SLC26A4: variants seen among roughly 807,000 people sequenced by gnomAD.
SLC26A4 encodes the protein pendrin.
SLC26A4 carries 93 observed loss-of-function variants against 90.4 expected under a neutral mutation model. The ratio of observed to expected loss-of-function variants is 1.03; its 90% CI spans 0.87 to 1.22. The LOEUF is 1.22. Ranked by LOEUF, SLC26A4 falls within the 50% of genes most tolerant of loss-of-function variation. The probability of loss-of-function intolerance (pLI) is 0.00; values close to 1 mark genes in which losing one functional copy is unlikely to be tolerated. For synonymous variants in SLC26A4, 393 were observed against 354.6 expected (o/e 1.11, Z -1.22); for missense variants, 1,127 against 946.2 (o/e 1.19, Z -2.51).
intron 10 of SLC26A4, chr7:107,691,898 G>T (rs992720070): frequency 7.8e-7 from 1 of 1,278,990 alleles, no homozygotes; most frequent in African/African-American, 1.5e-5. Flanking sequence ...CCAAAGCTGT[G>T]CACATTTCAG....
At position 107,702,207 on chromosome 7, in the gene SLC26A4, T is replaced by C. The variant is rs1791914334; in HGVS notation, c.2034+150T>C. On this transcript the variant is annotated intron_variant, in intron 17 of 20. Coordinates refer to ENST00000644269, the MANE Select transcript of SLC26A4 (RefSeq NM_000441.2). The stretch of plus-strand genomic sequence containing the variant: ...TAAAAAAGTGTAATATTTTAAAGCA[T>C]AGGCTCTGGAGCCAGACTACCTGGG... 4 of 699,822 alleles carry C rather than the reference T, an allele frequency of 5.7e-6. No homozygotes were observed. In the South Asian group the frequency reaches 6.3e-5, roughly 11 times the overall value. The allele number at this position is 699,822 out of a possible 1,614,324, so 43.4% of individuals were successfully genotyped here.
intron 10 of SLC26A4, among the ~76,000 whole-genome samples, chr7:107,691,224 G>A (rs1016439021): frequency 1.1e-4 from 17 of 150,832 alleles, no homozygotes; most frequent in Admixed American, 6.0e-4. Context: ...AATATAAGTC[G>A]GGCACAGTGG....
chr7:107,667,400 A>G (rs999112799), intron 3 of SLC26A4, among the ~76,000 whole-genome samples: 13 of 147,382 alleles, frequency 8.8e-5, no homozygotes, highest in African/African-American at 3.3e-4. Flanking sequence ...AGCCTGGCGC[A>G]GGAAGTTGAA....
At chr7:107,663,491 C>T in intron 3 of SLC26A4, 56 bp downstream of exon 3, 1 of 1,592,890 alleles carries the variant, frequency 6.3e-7, no homozygotes, top group Non-Finnish European at 8.6e-7. Flanking sequence ...AACACTTCTC[C>T]CCAGCTACCA....
At chr7:107,714,689 G>C (rs535531715) in intron 20 of SLC26A4, among the ~76,000 whole-genome samples, 1 of 152,248 alleles carries the variant, frequency 6.6e-6, no homozygotes, top group East Asian at 1.9e-4. Context: ...ATAGTTTCAA[G>C]GGCATGGACT....
At chr7:107,698,177 T>C (rs1418584436) in intron 14 of SLC26A4, 66 bp downstream of exon 14, 3 of 1,012,130 alleles carry the variant, frequency 3.0e-6, no homozygotes, top group Non-Finnish European at 4.8e-6. Context: ...GCAGCTCCAT[T>C]TTACGTACAA....
chr7:107,710,845 C>A (rs1208010249), intron 19 of SLC26A4, among the ~76,000 whole-genome samples: 1 of 152,114 alleles, frequency 6.6e-6, no homozygotes, highest in Admixed American at 6.6e-5. Context: ...CCTAATGGTG[C>A]TCCTGGTGGT....
intron 8 of SLC26A4, among the ~76,000 whole-genome samples, chr7:107,686,951 C>G (rs899887472): frequency 1.3e-5 from 2 of 152,170 alleles, no homozygotes; most frequent in African/African-American, 4.8e-5. Flanking sequence ...AACAAAACCA[C>G]AGGGTTTTTT....
intron 6 of SLC26A4, among the ~76,000 whole-genome samples, chr7:107,680,210 A>G (rs528315070): frequency 8.3e-5 from 9 of 108,044 alleles, no homozygotes; most frequent in African/African-American, 2.9e-4. Flanking sequence ...TATATAATAT[A>G]ATCTTATAAT....
chr7:107,672,074 T>G (rs1019817864), intron 3 of SLC26A4, 64 bp from the exon 4 acceptor site: 1 of 979,182 alleles, frequency 1.0e-6, no homozygotes, highest in Non-Finnish European at 1.7e-6. Flanking sequence ...CCATTGTAAG[T>G]TGAGGACTTT....
intron 6 of SLC26A4, among the ~76,000 whole-genome samples, chr7:107,679,416 G>A (rs888215225): frequency 2.0e-5 from 3 of 152,140 alleles, no homozygotes; most frequent in Non-Finnish European, 4.4e-5. Context: ...AAAGGTGGTC[G>A]TGAAGCATTT....
rs1259819509 is a variant in SLC26A4, at chr7:107,661,973, C to A, written c.164+168C>A. On this transcript the variant is annotated intron_variant, in intron 2 of 20. Coordinates refer to ENST00000644269, the MANE Select transcript of SLC26A4 (RefSeq NM_000441.2). This position sits in a 1 kb window ranked among gnomAD's most constrained non-coding sequence, Gnocchi z 5.1. The stretch of plus-strand genomic sequence containing the variant: ...TTCGGTCTCCGGTCCTCCACGCCGC[C>A]CTTCTGGTGGGAGGGTGGCTCCATC... The A allele has an allele frequency of 1.4e-5, 10 of 713,398 alleles. No homozygotes were observed. Among genetic ancestry groups the A allele is most frequent in the Non-Finnish European group, 2.3e-5 (10 of 442,408 alleles). The allele number at this position is 713,398 out of a possible 1,614,324, so 44.2% of individuals were successfully genotyped here. A position where few individuals can be genotyped will look rare whatever the true frequency, so the allele number is the denominator to read the frequency against.
intron 6 of SLC26A4, among the ~76,000 whole-genome samples, chr7:107,682,124 AAAAAAATT>A (rs1188624947): frequency 2.1e-5 from 3 of 141,342 alleles, no homozygotes; most frequent in Non-Finnish European, 3.1e-5. Flanking sequence ...AAAAAAAAAA[AAAAAAATT>A]TTTTTTATGT....
At chr7:107,703,069 C>G (rs959110411) in intron 17 of SLC26A4, among the ~76,000 whole-genome samples, 2 of 152,210 alleles carry the variant, frequency 1.3e-5, no homozygotes, top group East Asian at 3.8e-4. Flanking sequence ...GTACTGAGCA[C>G]TCTGCCAGGC....
chr7:107,677,019 C>T (rs1008670769), intron 6 of SLC26A4, among the ~76,000 whole-genome samples: 2 of 151,932 alleles, frequency 1.3e-5, no homozygotes, highest in African/African-American at 4.8e-5. Context: ...ACTAATAATA[C>T]AAAAATAATT....
chr7:107,699,416 T>A (rs1039319943), intron 14 of SLC26A4, among the ~76,000 whole-genome samples: 1 of 152,174 alleles, frequency 6.6e-6, no homozygotes. Context: ...TCCCATTGAT[T>A]TTGCTTTTTT....
Position 107,675,041 on chromosome 7 carries a change from G to C in SLC26A4, c.697G>C (p.Val233Leu), listed in dbSNP as rs397516431. The C allele has an allele frequency of 4.2e-5, 68 of 1,613,880 alleles. No individual in the cohort carries two copies. In the East Asian group the frequency reaches 1.4e-3, roughly 32 times the overall value. Reference sequence around the variant, plus strand: ...AACAGCTGCTGCCTTCCAAGTGCTGGTCTCACAGCTAAAGATTGTCCTCAA... The same window carrying C: ...AACAGCTGCTGCCTTCCAAGTGCTGCTCTCACAGCTAAAGATTGTCCTCAA... ...FTTAAAFQVL[V>L]SQLKIVLNVS... The change falls in exon 6 of 21, where the codon GTC (valine) becomes CTC (leucine). Residue 233 changes from valine (V) to leucine (L), a missense_variant. Coordinates refer to ENST00000644269, the MANE Select transcript of SLC26A4 (RefSeq NM_000441.2).
intron 12 of SLC26A4, 49 bp downstream of exon 12, chr7:107,694,765 T>C (rs376706606): frequency 3.8e-4 from 477 of 1,266,634 alleles, no homozygotes; most frequent in Non-Finnish European, 5.0e-4. Flanking sequence ...TTGGTTCTTA[T>C]ATGCTTCCTG....
Position 107,700,151 on chromosome 7 carries a change from T to C in SLC26A4, c.1683T>C (p.Gly561=), listed in dbSNP as rs1791847909. ...SSPIFYGNVD[G]FKKCIKSTVG... is the part of the protein sequence containing the mutation. ...CTATTTTCTATGGCAATGTCGATGG[T>C]TTTAAAAAATGTATCAAGTCCACAG... Residue 561 remains glycine, a synonymous_variant, in exon 15 of 21, where the codon GGT becomes GGC. Coordinates refer to ENST00000644269, the MANE Select transcript of SLC26A4 (RefSeq NM_000441.2). 2.5e-6 allele frequency: 4 copies of C among 1,576,072 alleles called. No individual in the cohort carries two copies. The highest frequency in any genetic ancestry group is 3.5e-6 in the Non-Finnish European group (4 of 1,145,308).
Sources: gnomAD v4.1 joint callset for allele counts (sites outside exome capture counted in the v4.1 genomes callset) on GRCh38, gnomAD v4.1.1 for gene constraint, Gnocchi (gnomAD v3.1) non-coding constraint, MANE v1.5 for transcripts, NCBI Gene and HGNC (gene_info 2026-07-23, HGNC 2026-07-21) for gene names.